GAB4: variants seen among roughly 807,000 people sequenced by gnomAD.
The protein encoded by GAB4 is GRB2-associated-binding protein 4.
Under a neutral mutation model 51.3 loss-of-function variants are expected in GAB4, and 26 were observed. That is an observed-to-expected ratio of 0.51 (90% confidence interval 0.37 to 0.70). The LOEUF is 0.70. Among genes scored for constraint, GAB4 ranks in the 30% least tolerant of loss-of-function variants. The pLI is 0.00. For missense variants in GAB4, 759 were observed against 734.6 expected (o/e 1.03, Z -0.38); for synonymous variants, 329 against 291.2 (o/e 1.13, Z -1.32).
chr22:16,999,334 T>C (rs932186690), intron 1 of GAB4, among the ~76,000 whole-genome samples: 2 of 152,252 alleles, frequency 1.3e-5, no homozygotes, highest in African/African-American at 4.8e-5. Flanking sequence ...TATTGGTCTA[T>C]TCAGGGATTC....
At chr22:17,000,300 A>G (rs1455013100) in intron 1 of GAB4, among the ~76,000 whole-genome samples, 1 of 152,206 alleles carries the variant, frequency 6.6e-6, no homozygotes, top group Non-Finnish European at 1.5e-5. Context: ...GTCTCTAAGT[A>G]TAGGCTTTAT....
At chr22:17,006,785 C>T (rs1245721300) in intron 1 of GAB4, among the ~76,000 whole-genome samples, 1 of 152,158 alleles carries the variant, frequency 6.6e-6, no homozygotes. Flanking sequence ...CATGTTCTCA[C>T]TCATAAGTGG....
intron 1 of GAB4, among the ~76,000 whole-genome samples, chr22:17,003,679 A>C (rs34432314): frequency 0.022 from 3,367 of 152,344 alleles, 57 homozygotes; most frequent in Middle Eastern, 0.068. Flanking sequence ...CAGCTAAAGC[A>C]GTGTTTAGAG....
At chr22:16,981,616 T>C (rs2060828118) in intron 3 of GAB4, among the ~76,000 whole-genome samples, 1 of 152,104 alleles carries the variant, frequency 6.6e-6, no homozygotes, top group Non-Finnish European at 1.5e-5. Context: ...AGTCACAAGA[T>C]AGACACAGTA....
chr22:16,997,691 G>A (rs1413811953), intron 1 of GAB4, among the ~76,000 whole-genome samples: 1 of 152,150 alleles, frequency 6.6e-6, no homozygotes, highest in Non-Finnish European at 1.5e-5. Context: ...TTACTTTGGT[G>A]TTTTAATTAT....
intron 3 of GAB4, among the ~76,000 whole-genome samples, chr22:16,986,492 C>T (rs753986818): frequency 4.6e-5 from 7 of 152,192 alleles, no homozygotes; most frequent in African/African-American, 7.2e-5. Flanking sequence ...TGTTCTGCCA[C>T]CTTACACCCA....
chr22:16,975,194 G>C (rs1227569921), intron 3 of GAB4, among the ~76,000 whole-genome samples: 1 of 152,136 alleles, frequency 6.6e-6, no homozygotes, highest in Admixed American at 6.5e-5. Context: ...CTGAAGCTAG[G>C]GAGCCAAGTG....
chr22:16,979,915 T>C (rs1446465015), intron 3 of GAB4, among the ~76,000 whole-genome samples: 1 of 152,180 alleles, frequency 6.6e-6, no homozygotes, highest in Non-Finnish European at 1.5e-5. Flanking sequence ...GGGGAAAGGA[T>C]TCCCTATTTA....
chr22:16,991,553 C>T (rs545481406), intron 2 of GAB4, among the ~76,000 whole-genome samples: 3 of 152,330 alleles, frequency 2.0e-5, no homozygotes, highest in Admixed American at 2.0e-4. Flanking sequence ...CACCAAGGGT[C>T]AAGTGCAACT....
chr22:16,965,960 T>C, intron 6 of GAB4, 140 bp downstream of exon 6: 2 of 788,100 alleles, frequency 2.5e-6, no homozygotes, highest in Non-Finnish European at 4.2e-6. Flanking sequence ...CTATCTCCAT[T>C]TCACAGAGGA....
At chr22:16,995,976 T>C (rs547694240) in intron 1 of GAB4, among the ~76,000 whole-genome samples, 36 of 151,990 alleles carry the variant, frequency 2.4e-4, no homozygotes, top group Non-Finnish European at 4.1e-4. Context: ...CTGACAGAAG[T>C]AGGCTTCAGA....
intron 9 of GAB4, 46 bp from the exon 10 acceptor site, chr22:16,962,922 C>T (rs1254114817): frequency 6.3e-7 from 1 of 1,577,902 alleles, no homozygotes; most frequent in South Asian, 1.2e-5. Flanking sequence ...TCTGTGAGTT[C>T]CTGGTGAGGA....
intron 3 of GAB4, among the ~76,000 whole-genome samples, chr22:16,985,908 T>C (rs768091870): frequency 2.0e-5 from 3 of 152,204 alleles, no homozygotes; most frequent in Non-Finnish European, 4.4e-5. Flanking sequence ...ACGACCTCCA[T>C]AACATCCAGA....
intron 1 of GAB4, among the ~76,000 whole-genome samples, chr22:17,005,606 A>G (rs2061034385): frequency 6.6e-6 from 1 of 152,250 alleles, no homozygotes; most frequent in African/African-American, 2.4e-5. Flanking sequence ...AAACTGTACT[A>G]CAAGGTTACA....
Position 16,964,752 on chromosome 22 carries a change from C to T in GAB4, c.1476+14G>A. 1.3e-6 allele frequency: 2 copies of T among 1,568,294 alleles called. No individual in the cohort carries two copies. Among genetic ancestry groups the T allele is most frequent in the Non-Finnish European group, 1.7e-6 (2 of 1,144,920 alleles). On this transcript the variant is annotated intron_variant, in intron 8 of 9. Coordinates refer to ENST00000400588, the MANE Select transcript of GAB4 (RefSeq NM_001037814.1). Reference sequence around the variant, plus strand: ...ACTCTGATAGGAGCCTTACAGTGACCCCCAAGGACTCACCGGGAAAAGATA... The same window carrying T: ...ACTCTGATAGGAGCCTTACAGTGACTCCCAAGGACTCACCGGGAAAAGATA...
intron 1 of GAB4, among the ~76,000 whole-genome samples, chr22:17,007,613 G>C (rs112921763): frequency 1.3e-5 from 2 of 151,962 alleles, no homozygotes; most frequent in African/African-American, 4.8e-5. Flanking sequence ...TGGGAGGGAA[G>C]GGGAGCGGGT....
At chr22:16,983,706 C>T (rs544577911) in intron 3 of GAB4, among the ~76,000 whole-genome samples, 6 of 152,170 alleles carry the variant, frequency 3.9e-5, no homozygotes, top group African/African-American at 1.4e-4. Context: ...GGGGAAAGAA[C>T]AGTCTCTTCA....
chr22:16,969,667 C>A, intron 4 of GAB4: 1 of 647,858 alleles, frequency 1.5e-6, no homozygotes, highest in Non-Finnish European at 2.8e-6. Flanking sequence ...CTGGGGATGG[C>A]AGCAGCAACA....
intron 1 of GAB4, among the ~76,000 whole-genome samples, chr22:17,000,222 T>C (rs2060986573): frequency 6.6e-6 from 1 of 152,200 alleles, no homozygotes; most frequent in African/African-American, 2.4e-5. Flanking sequence ...TGTTGATCTG[T>C]CTAATGTTGA....
Sources: gnomAD v4.1 joint callset for allele counts (sites outside exome capture counted in the v4.1 genomes callset) on GRCh38, gnomAD v4.1.1 for gene constraint, MANE v1.5 for transcripts, NCBI Gene and HGNC (gene_info 2026-07-23, HGNC 2026-07-21) for gene names.